Variants in PHACTR3 observed in about 807,000 individuals in gnomAD.
PHACTR3 encodes the protein protein phosphatase 1, regulatory subunit 123.
Under a neutral mutation model 66.8 loss-of-function variants are expected in PHACTR3, and 16 were observed. The ratio of observed to expected loss-of-function variants is 0.24; its 90% CI spans 0.16 to 0.36. The LOEUF (loss-of-function observed/expected upper bound fraction) is 0.36, where lower values mean the gene tolerates loss of function less well. PHACTR3 is among the 10% of genes least tolerant of loss of function. The pLI is 1.00. For synonymous variants in PHACTR3, 323 were observed against 292.1 expected (o/e 1.11, Z -1.08); for missense variants, 647 against 719.9 (o/e 0.90, Z 1.16).
In PHACTR3 at chr20:59,830,797, G is replaced by A. The variant is rs2042344532; in HGVS notation, c.1329-5708G>A. 6.6e-6 allele frequency among the ~76,000 whole-genome samples: 1 copy of A among 152,190 alleles called. No individual in the cohort carries two copies. The highest frequency in any genetic ancestry group is 2.4e-5 in the African/African-American group (1 of 41,424). On this transcript the variant is annotated intron_variant, in intron 8 of 12. Transcript: ENST00000371015. The surrounding 1 kb of genome is among the most constrained non-coding windows in gnomAD (Gnocchi z 5.8). ...GAATCAGAGGCTCAAGTAAGGGAGG[G>A]CGTGACGCCATCACCCAGCTGGCAG... is the stretch of plus-strand genomic sequence containing the variant.
At chr20:59,842,713 C>CAAAAGCTGAAGTTTACTCA (rs1277931912) in intron 11 of PHACTR3, among the ~76,000 whole-genome samples, 1 of 152,074 alleles carries the variant, frequency 6.6e-6, no homozygotes, top group Non-Finnish European at 1.5e-5. Flanking sequence ...CCAAGTTCAC[C>CAAAAGCTGAAGTTTACTCA]AAAAGCTGAA....
intron 8 of PHACTR3, among the ~76,000 whole-genome samples, chr20:59,822,195 C>G (rs1476461511): frequency 5.7e-4 from 12 of 21,194 alleles, no homozygotes; most frequent in South Asian, 2.3e-3. Flanking sequence ...CCTCCGCAGC[C>G]ATCCCACCCC....
At chr20:59,657,711 T>C (rs539150213) in intron 1 of PHACTR3, among the ~76,000 whole-genome samples, 11 of 152,284 alleles carry the variant, frequency 7.2e-5, no homozygotes, top group Admixed American at 5.9e-4. Context: ...CTAGTCAGTT[T>C]TCTCTTGCTA....
chr20:59,672,405 G>T (rs6070903), intron 1 of PHACTR3, among the ~76,000 whole-genome samples: 1 of 152,020 alleles, frequency 6.6e-6, no homozygotes, highest in Non-Finnish European at 1.5e-5. Context: ...GAGAGGAAAC[G>T]CCATGGCCTG....
At chr20:59,611,441 C>G (rs1184175981) in intron 1 of PHACTR3, among the ~76,000 whole-genome samples, 2 of 152,370 alleles carry the variant, frequency 1.3e-5, no homozygotes, top group Admixed American at 6.5e-5. Flanking sequence ...TGGTCAGCCT[C>G]TCTGAGTTCT....
At chr20:59,679,408 A>G (rs1339417393) in intron 1 of PHACTR3, among the ~76,000 whole-genome samples, 1 of 152,224 alleles carries the variant, frequency 6.6e-6, no homozygotes, top group East Asian at 1.9e-4. Context: ...ATAGGTGTTC[A>G]TATTATTCTA....
intron 1 of PHACTR3, among the ~76,000 whole-genome samples, chr20:59,643,653 C>A (rs1465924838): frequency 6.6e-6 from 1 of 152,216 alleles, no homozygotes; most frequent in Non-Finnish European, 1.5e-5. Flanking sequence ...GAGAATTAAT[C>A]CTTCTTGGCA....
chr20:59,828,577 G>T (rs1180378697), intron 8 of PHACTR3, among the ~76,000 whole-genome samples: 1 of 152,168 alleles, frequency 6.6e-6, no homozygotes, highest in African/African-American at 2.4e-5. Context: ...AATAATGGGG[G>T]TGTGTGGGGT....
At chr20:59,756,489 C>T (rs145717840) in intron 4 of PHACTR3, among the ~76,000 whole-genome samples, 7 of 152,264 alleles carry the variant, frequency 4.6e-5, no homozygotes, top group East Asian at 3.9e-4. Flanking sequence ...GCAGCGCTAG[C>T]GGCACCTGCC....
At chr20:59,779,515 C>G (rs972009645) in intron 7 of PHACTR3, among the ~76,000 whole-genome samples, 1 of 152,212 alleles carries the variant, frequency 6.6e-6, no homozygotes, top group Non-Finnish European at 1.5e-5. Context: ...GTTTTCACAT[C>G]TCCATGGGGT....
At chr20:59,813,463 C>T (rs2041796636) in intron 8 of PHACTR3, among the ~76,000 whole-genome samples, 3 of 152,276 alleles carry the variant, frequency 2.0e-5, no homozygotes, top group African/African-American at 7.2e-5. Flanking sequence ...AATGTCATTG[C>T]CCATCTCTTG....
intron 1 of PHACTR3, among the ~76,000 whole-genome samples, chr20:59,702,248 C>T (rs1466319165): frequency 6.6e-6 from 1 of 152,146 alleles, no homozygotes; most frequent in Non-Finnish European, 1.5e-5. Flanking sequence ...ACCCAAATGG[C>T]CTGGACCCAC....
At chr20:59,832,878 A>G (rs1220222886) in intron 8 of PHACTR3, among the ~76,000 whole-genome samples, 1 of 152,158 alleles carries the variant, frequency 6.6e-6, no homozygotes, top group Non-Finnish European at 1.5e-5. Flanking sequence ...TGCAGATTAG[A>G]GCCTAGTCTG....
intron 1 of PHACTR3, among the ~76,000 whole-genome samples, chr20:59,712,402 A>T (rs60547435): frequency 6.6e-6 from 1 of 152,182 alleles, no homozygotes; most frequent in Non-Finnish European, 1.5e-5. Context: ...CACTGTGGCC[A>T]TGCAGTTTTG....
At chr20:59,845,353 G>A (rs968386511) in intron 12 of PHACTR3, 88 bp downstream of exon 12, 2 of 827,824 alleles carry the variant, frequency 2.4e-6, no homozygotes, top group Non-Finnish European at 4.0e-6. Context: ...CATGTATCCA[G>A]CTATACAAAT....
intron 7 of PHACTR3, among the ~76,000 whole-genome samples, chr20:59,777,713 G>C (rs983701390): frequency 6.6e-6 from 1 of 152,134 alleles, no homozygotes; most frequent in Non-Finnish European, 1.5e-5. Context: ...GTCTAATTTT[G>C]TCTGTATGAG....
intron 7 of PHACTR3, among the ~76,000 whole-genome samples, chr20:59,783,362 AGCAGAGCTC>A (rs1232668565): frequency 6.6e-6 from 1 of 152,218 alleles, no homozygotes; most frequent in Non-Finnish European, 1.5e-5. Flanking sequence ...AGCACCAAGC[AGCAGAGCTC>A]TCAGAGTGGG....
chr20:59,674,010 C>G (rs1430517608), intron 1 of PHACTR3, among the ~76,000 whole-genome samples: 1 of 152,168 alleles, frequency 6.6e-6, no homozygotes, highest in Non-Finnish European at 1.5e-5. Flanking sequence ...GTCTCCAGAC[C>G]TGCCTGCCCG....
At chr20:59,698,982 T>C (rs2037396521) in intron 1 of PHACTR3, among the ~76,000 whole-genome samples, 1 of 152,160 alleles carries the variant, frequency 6.6e-6, no homozygotes, top group Non-Finnish European at 1.5e-5. Context: ...CCCCAGATAT[T>C]CCAGTGTTTC....
Sources: allele counts gnomAD v4.1 joint callset (sites outside exome capture counted in the v4.1 genomes callset), GRCh38; gene constraint gnomAD v4.1.1; non-coding constraint Gnocchi (gnomAD v3.1); transcripts MANE v1.5; gene names NCBI Gene and HGNC (gene_info 2026-07-23, HGNC 2026-07-21).